Variants in ZNF519 observed in about 807,000 individuals in gnomAD.
ZNF519 encodes zinc finger protein 519.
A neutral mutation model predicts 7.4 loss-of-function variants in ZNF519; 7 were observed. The observed-to-expected ratio is 0.94, with a 90% CI of 0.54 to 1.77. ZNF519 has a LOEUF of 1.77. ZNF519 is among the 40% of genes most tolerant of loss of function. The probability of loss-of-function intolerance (pLI) is 0.00; values close to 1 mark genes in which losing one functional copy is unlikely to be tolerated. For synonymous variants in ZNF519, 179 were observed against 203.3 expected (o/e 0.88, Z 1.02); for missense variants, 586 against 623.1 (o/e 0.94, Z 0.63).
At chr18:14,107,083 G>A (rs2046197064) in intron 2 of ZNF519, among the ~76,000 whole-genome samples, 1 of 152,106 alleles carries the variant, frequency 6.6e-6, no homozygotes, top group Non-Finnish European at 1.5e-5. Flanking sequence ...AGAGCCAGTG[G>A]ACTTGGGGGC....
chr18:14,092,562 G>C (rs754328589), intron 2 of ZNF519, among the ~76,000 whole-genome samples: 2 of 152,072 alleles, frequency 1.3e-5, no homozygotes, highest in African/African-American at 2.4e-5. Flanking sequence ...GGTGGCCAGA[G>C]CCTTCCTTAG....
At chr18:14,108,338 A>G (rs368080515) in intron 2 of ZNF519, among the ~76,000 whole-genome samples, 12 of 152,236 alleles carry the variant, frequency 7.9e-5, no homozygotes, top group African/African-American at 2.6e-4. Context: ...CACTCTCTCT[A>G]TTAGTTCTTT....
At chr18:14,092,128 G>A (rs1389002047) in intron 2 of ZNF519, among the ~76,000 whole-genome samples, 1 of 152,150 alleles carries the variant, frequency 6.6e-6, no homozygotes, top group Non-Finnish European at 1.5e-5. Flanking sequence ...ATTGACCTAG[G>A]GGGCAGTGGA....
In ZNF519 at chr18:14,106,094, A is replaced by C; in HGVS notation, c.446T>G (p.Phe149Cys). The C allele has an allele frequency of 6.2e-7, 1 of 1,606,214 alleles. No homozygotes were observed. The highest frequency in any genetic ancestry group is 2.2e-5 in the East Asian group (1 of 44,772). The part of the protein sequence containing the change: ...CIPMNKYQHK[F>C]LKSVFCNKNQ... Reference sequence around the variant, plus strand: ...TTTATTACAAAAGACAGATTTCAAAAATTTATGTTGATATTTATTCATAGG... The same window carrying C: ...TTTATTACAAAAGACAGATTTCAAACATTTATGTTGATATTTATTCATAGG... The change falls in exon 3 of 3, where the codon TTT becomes TGT. Residue 149 changes from phenylalanine to cysteine, a missense_variant. Coordinates refer to ENST00000590202, the MANE Select transcript of ZNF519 (RefSeq NM_145287.4).
In ZNF519 at chr18:14,106,393, G is replaced by A. The variant is rs753088119; in HGVS notation, c.147C>T (p.Tyr49=). 44 of 1,595,324 alleles carry A rather than the reference G, an allele frequency of 2.8e-5. No homozygotes were observed. Among genetic ancestry groups the A allele is most frequent in the Non-Finnish European group, 3.7e-5 (43 of 1,172,748 alleles). The change falls in exon 3 of 3, where the codon TAC becomes TAT. Residue 49 remains tyrosine, a synonymous_variant. Transcript: ENST00000590202. ...NLVSLAVYSY[Y]NQGILPEQGI... ...CTTGCTCTGGTAAAATGCCTTGGTT[G>A]TAATAAGAATACACAGCTGAAAGAA...
intron 2 of ZNF519, among the ~76,000 whole-genome samples, chr18:14,111,426 G>C (rs1336694657): frequency 1.3e-5 from 2 of 149,222 alleles, no homozygotes; most frequent in Non-Finnish European, 3.0e-5. Context: ...AGAATTGCTG[G>C]AAGTCAGGAG....
At chr18:14,075,991 T>C (rs2046046139), downstream of ZNF519, 1 of 152,164 alleles carries the variant, frequency 6.6e-6, no homozygotes, top group Non-Finnish European at 1.5e-5. Flanking sequence ...TTACAATGAT[T>C]CTACAAAGTA....
chr18:14,099,266 A>C (rs560676767), downstream of ZNF519, among the ~76,000 whole-genome samples: 103 of 151,830 alleles, frequency 6.8e-4, 1 homozygote, highest in South Asian at 0.02. Context: ...AAATGTAAAA[A>C]ATACTTCTTC....
chr18:14,132,179 G>C, intron 1 of ZNF519, 96 bp downstream of exon 1: 1 of 1,448,526 alleles, frequency 6.9e-7, no homozygotes, highest in Non-Finnish European at 9.7e-7. Flanking sequence ...CTGAGCTGCA[G>C]ACTCGACTCG....
intron 2 of ZNF519, chr18:14,122,268 T>C (rs1392144827): frequency 1.3e-5 from 2 of 152,158 alleles, no homozygotes; most frequent in African/African-American, 4.8e-5. Flanking sequence ...TTTAGAAAAA[T>C]GCTTATTGTT....
chr18:14,124,944 C>T (rs1333612371), intron 1 of ZNF519, among the ~76,000 whole-genome samples: 1 of 152,190 alleles, frequency 6.6e-6, no homozygotes, highest in Non-Finnish European at 1.5e-5. Flanking sequence ...CACTGAGAGG[C>T]ACTTAACTAA....
At chr18:14,082,865 T>C (rs2046075684) in intron 3 of ZNF519, 1 of 152,084 alleles carries the variant, frequency 6.6e-6, no homozygotes, top group African/African-American at 2.4e-5. Context: ...TTTTTAAAAA[T>C]TCTGTAGAGA....
At chr18:14,129,900 T>C (rs2046321330) in intron 1 of ZNF519, among the ~76,000 whole-genome samples, 1 of 152,174 alleles carries the variant, frequency 6.6e-6, no homozygotes, top group Non-Finnish European at 1.5e-5. Context: ...ATATACCAGT[T>C]TATTATTGAA....
downstream of ZNF519, among the ~76,000 whole-genome samples, chr18:14,096,254 G>C (rs927097856): frequency 6.6e-6 from 1 of 152,220 alleles, no homozygotes; most frequent in African/African-American, 2.4e-5. Flanking sequence ...GGGTGACACA[G>C]GCAATGTGAC....
chr18:14,092,669 A>T (rs1351586729), intron 2 of ZNF519, among the ~76,000 whole-genome samples: 1 of 152,114 alleles, frequency 6.6e-6, no homozygotes, highest in Non-Finnish European at 1.5e-5. Flanking sequence ...AATCCCCATA[A>T]ATCAGCCTCC....
chr18:14,106,134 T>C lies in ZNF519; in HGVS notation c.406A>G (p.Thr136Ala). 6.2e-7 allele frequency: 1 copy of C among 1,611,902 alleles called. No homozygotes were observed. The highest frequency in any genetic ancestry group is 8.5e-7 in the Non-Finnish European group (1 of 1,179,502). Residue 136 changes from threonine (T) to alanine (A), a missense_variant, in exon 3 of 3, where the codon ACA (threonine) becomes GCA (alanine). Thr to Ala is a moderately conservative substitution (Grantham distance 58, BLOSUM62 0). Coordinates refer to ENST00000590202, the MANE Select transcript of ZNF519 (RefSeq NM_145287.4). ...TTATTCATAGGAATACATGGTTCTGTAGGAGCAGCTGACAGAAACTGAGGC... is the reference window on the plus strand; with the variant it reads ...TTATTCATAGGAATACATGGTTCTGCAGGAGCAGCTGACAGAAACTGAGGC... ...KKPQFLSAAP[T>A]EPCIPMNKYQ...
chr18:14,132,197 G>A, intron 1 of ZNF519, 78 bp downstream of exon 1: 1 of 1,555,992 alleles, frequency 6.4e-7, no homozygotes, highest in Non-Finnish European at 8.9e-7. Flanking sequence ...TCGCAGACTA[G>A]GTCCCGTCAC....
In ZNF519 at chr18:14,094,394, T is replaced by G. The variant is rs568434490; in HGVS notation, c.131-9318A>C. Reference sequence around the variant, plus strand: ...TTTTATAAAACCGGCTTTTTCCTTTTCAGTATAACATTAGCATTGAGTGCT... The same window carrying G: ...TTTTATAAAACCGGCTTTTTCCTTTGCAGTATAACATTAGCATTGAGTGCT... On this transcript the variant is annotated intron_variant and NMD_transcript_variant, in intron 2 of 4. Transcript: ENST00000587419. Among the ~76,000 whole-genome samples the G allele has an allele frequency of 7.9e-5, 12 of 152,372 alleles. No individual in the cohort carries two copies. In the South Asian group the frequency reaches 2.5e-3, roughly 32 times the overall value.
intron 2 of ZNF519, chr18:14,090,586 G>A (rs2097235010): frequency 6.6e-6 from 1 of 152,360 alleles, no homozygotes; most frequent in Admixed American, 6.5e-5. Flanking sequence ...GTCTTAAAGA[G>A]TGCTGCCCCT....
Sources: allele counts gnomAD v4.1 joint callset (sites outside exome capture counted in the v4.1 genomes callset), GRCh38; gene constraint gnomAD v4.1.1; transcripts MANE v1.5; gene names NCBI Gene and HGNC (gene_info 2026-07-23, HGNC 2026-07-21).